RIMS2: variants seen among roughly 807,000 people sequenced by gnomAD.
RIMS2 encodes the protein regulating synaptic membrane exocytosis protein 2.
A neutral mutation model predicts 174.4 loss-of-function variants in RIMS2; 59 were observed. That is an observed-to-expected ratio of 0.34 (90% confidence interval 0.27 to 0.42). The LOEUF is 0.42. RIMS2 is among the 10% of genes least tolerant of loss of function. The probability of loss-of-function intolerance (pLI) is 1.00; values close to 1 mark genes in which losing one functional copy is unlikely to be tolerated. For synonymous variants in RIMS2, 606 were observed against 572.5 expected, an observed-to-expected ratio of 1.06 and a Z score of -0.84; for missense variants, 1,620 against 1,666.3, an observed-to-expected ratio of 0.97 and a Z score of 0.48.
At chr8:104,218,006 T>A (rs2099138443) in intron 19 of RIMS2, among the ~76,000 whole-genome samples, 1 of 152,188 alleles carries the variant, frequency 6.6e-6, no homozygotes, top group African/African-American at 2.4e-5. Flanking sequence ...TAAAGACACT[T>A]GTATGTGAGG....
Position 103,805,938 on chromosome 8 carries a change from A to T in RIMS2, c.698+39401A>T, listed in dbSNP as rs181276702. On this transcript the variant is annotated intron_variant, in intron 3 of 23. Transcript: ENST00000504942. ...TTATAATATTCTTCATATAACCAAG[A>T]TGGCAAGACTACAGTGTGTGGGGAG... 5.9e-3 allele frequency among the ~76,000 whole-genome samples: 899 copies of T among 152,280 alleles called. 3 individuals are homozygous for T. The highest frequency in any genetic ancestry group is 0.01 in the Non-Finnish European group (714 of 68,008).
intron 1 of RIMS2, among the ~76,000 whole-genome samples, chr8:103,576,105 T>C (rs1208278169): frequency 1.3e-5 from 2 of 152,194 alleles, no homozygotes; most frequent in African/African-American, 4.8e-5. Context: ...GATGCCATGC[T>C]GTAGAAGGTT....
intron 1 of RIMS2, among the ~76,000 whole-genome samples, chr8:103,545,667 C>T (rs572837928): frequency 6.6e-6 from 1 of 152,306 alleles, no homozygotes; most frequent in African/African-American, 2.4e-5. Context: ...ATCAGGCTAA[C>T]AGTGAATTTT....
chr8:104,129,279 A>C (rs1480656236), intron 19 of RIMS2, among the ~76,000 whole-genome samples: 3 of 152,132 alleles, frequency 2.0e-5, no homozygotes, highest in African/African-American at 7.2e-5. Flanking sequence ...CTAGCTACAT[A>C]GAGGCTGAGG....
intron 19 of RIMS2, among the ~76,000 whole-genome samples, chr8:104,155,077 G>T (rs777315141): frequency 1.3e-5 from 2 of 151,918 alleles, no homozygotes. Context: ...CTTTCTGGGG[G>T]TGTTAGTTTT....
intron 19 of RIMS2, among the ~76,000 whole-genome samples, chr8:104,170,075 TG>T (rs1337063624): frequency 6.6e-6 from 1 of 152,132 alleles, no homozygotes; most frequent in Non-Finnish European, 1.5e-5. Flanking sequence ...ACTTGTTTTG[TG>T]GCCTATCATG....
intron 3 of RIMS2, among the ~76,000 whole-genome samples, chr8:103,790,523 T>C (rs577753709): frequency 2.0e-5 from 3 of 152,224 alleles, no homozygotes; most frequent in Admixed American, 6.5e-5. Context: ...AGTTTCTCCT[T>C]TTTAGCCTTA....
At chr8:103,725,535 G>A (rs921330592) in intron 2 of RIMS2, among the ~76,000 whole-genome samples, 6 of 152,110 alleles carry the variant, frequency 3.9e-5, no homozygotes, top group Non-Finnish European at 8.8e-5. Context: ...CATCCATGAT[G>A]TTGCCTATAA....
chr8:104,017,622 T>C (rs1174600368), intron 19 of RIMS2, among the ~76,000 whole-genome samples: 1 of 85,196 alleles, frequency 1.2e-5, no homozygotes, highest in Non-Finnish European at 2.8e-5. Context: ...ATATATAAAG[T>C]ATTTTGCCTA....
downstream of RIMS2, chr8:104,254,202 G>GTA (rs1044085142): frequency 1.6e-5 from 1 of 63,906 alleles, no homozygotes; most frequent in African/African-American, 1.9e-4. Flanking sequence ...TTAAAAGTTG[G>GTA]TGTTTTTTTT....
chr8:103,946,183 T>A (rs1363730611), intron 14 of RIMS2, among the ~76,000 whole-genome samples: 1 of 152,194 alleles, frequency 6.6e-6, no homozygotes, highest in East Asian at 1.9e-4. Flanking sequence ...ATTAACATTT[T>A]AATACTGAAA....
chr8:103,970,662 T>C (rs1195039543), intron 15 of RIMS2, among the ~76,000 whole-genome samples: 2 of 152,148 alleles, frequency 1.3e-5, no homozygotes, highest in Non-Finnish European at 2.9e-5. Flanking sequence ...CCACACTGCT[T>C]TCCCCTCATA....
At chr8:103,783,549 C>T (rs1396106882) in intron 3 of RIMS2, among the ~76,000 whole-genome samples, 3 of 151,630 alleles carry the variant, frequency 2.0e-5, no homozygotes, top group Non-Finnish European at 4.4e-5. Flanking sequence ...CGATAGTTTA[C>T]TGAGAATGAT....
At chr8:103,502,239 C>T (rs1013024915) in intron 1 of RIMS2, among the ~76,000 whole-genome samples, 1 of 152,200 alleles carries the variant, frequency 6.6e-6, no homozygotes, top group East Asian at 1.9e-4. Flanking sequence ...TATTCAGGTA[C>T]ATTTTAAAAG....
At chr8:103,603,615 C>A (rs2094880862) in intron 1 of RIMS2, among the ~76,000 whole-genome samples, 1 of 151,604 alleles carries the variant, frequency 6.6e-6, no homozygotes, top group Non-Finnish European at 1.5e-5. Context: ...GTCCCACCAA[C>A]AGTGTAAAAG....
chr8:104,045,134 C>T (rs2096671189), intron 19 of RIMS2, among the ~76,000 whole-genome samples: 1 of 151,654 alleles, frequency 6.6e-6, no homozygotes, highest in African/African-American at 2.4e-5. Context: ...TAAATTTTAG[C>T]CCAAAATATG....
intron 19 of RIMS2, among the ~76,000 whole-genome samples, chr8:104,241,525 T>G (rs2099295472): frequency 1.3e-5 from 2 of 152,202 alleles, no homozygotes; most frequent in Admixed American, 6.5e-5. Context: ...TTTAGATCTT[T>G]GACATTGCAG....
At position 104,224,112 on chromosome 8, in the gene RIMS2, T is replaced by G. The variant is rs565855541; in HGVS notation, c.3335-20804T>G. 1.2e-4 allele frequency among the ~76,000 whole-genome samples: 19 copies of G among 152,380 alleles called. No individual in the cohort carries two copies. The East Asian group carries it at 3.7e-3, about 29-fold the overall frequency. On this transcript the variant is annotated intron_variant, in intron 19 of 23. Coordinates refer to ENST00000504942, the Ensembl canonical transcript of RIMS2. ...CTCTTCGGTGCACCCCACTCTGTTT[T>G]GGTTTACCCTTCGCAGTCCGGGTAT...
At chr8:103,730,177 C>T (rs940232986) in intron 2 of RIMS2, among the ~76,000 whole-genome samples, 2 of 151,932 alleles carry the variant, frequency 1.3e-5, no homozygotes, top group African/African-American at 2.4e-5. Flanking sequence ...TTGTATTGTC[C>T]GTGGGTGGTG....
Sources: gnomAD v4.1 joint callset for allele counts (sites outside exome capture counted in the v4.1 genomes callset) on GRCh38, gnomAD v4.1.1 for gene constraint, MANE v1.5 for transcripts, NCBI Gene and HGNC (gene_info 2026-07-23, HGNC 2026-07-21) for gene names.